DYNC2H1: variants seen among roughly 807,000 people sequenced by gnomAD.
DYNC2H1 encodes dynein cytoplasmic 2 heavy chain 1.
A neutral mutation model predicts 570.0 loss-of-function variants in DYNC2H1; 410 were observed. The ratio of observed to expected loss-of-function variants is 0.72; its 90% CI spans 0.66 to 0.78. The LOEUF is 0.78. Among genes scored for constraint, DYNC2H1 ranks in the 30% least tolerant of loss-of-function variants. The probability of loss-of-function intolerance (pLI) is 0.00; values close to 1 mark genes in which losing one functional copy is unlikely to be tolerated. For missense variants in DYNC2H1, 4,865 were observed against 5,046.4 expected (o/e 0.96, Z 1.09); for synonymous variants, 1,688 against 1,677.6 (o/e 1.01, Z -0.15).
intron 65 of DYNC2H1, among the ~76,000 whole-genome samples, chr11:103,246,428 G>C (rs927287758): frequency 6.6e-6 from 1 of 151,980 alleles, no homozygotes; most frequent in Admixed American, 6.6e-5. Flanking sequence ...TTAGTGTTAG[G>C]TTTTAATGGT....
intron 65 of DYNC2H1, among the ~76,000 whole-genome samples, chr11:103,251,096 T>G (rs1401658790): frequency 6.6e-6 from 1 of 152,098 alleles, no homozygotes; most frequent in Non-Finnish European, 1.5e-5. Flanking sequence ...TTTATTTTTT[T>G]TCTTTGCTTT....
Position 103,287,516 on chromosome 11 carries a change from C to T in DYNC2H1, c.11023-17C>T, listed in dbSNP as rs1030639156. 3.8e-6 allele frequency: 6 copies of T among 1,586,142 alleles called. No individual in the cohort carries two copies. The highest frequency in any genetic ancestry group is 5.1e-6 in the Non-Finnish European group (6 of 1,166,078). On this transcript the variant is annotated splice_polypyrimidine_tract_variant and intron_variant, in intron 74 of 88. Coordinates refer to ENST00000375735, the MANE Select transcript of DYNC2H1 (RefSeq NM_001377.3). The stretch of plus-strand genomic sequence containing the variant: ...AGCAACTTTATTCTTTAAAAATATT[C>T]TGCATTTTATTTTAAGATTCTTGTA...
In DYNC2H1 at chr11:103,439,107, A is replaced by T. The variant is rs1485073724; in HGVS notation, c.12456+3075A>T. On this transcript the variant is annotated intron_variant, in intron 85 of 88. Transcript: ENST00000375735. This position sits in a 1 kb window ranked among gnomAD's most constrained non-coding sequence, Gnocchi z 4.1. ...TCTCCAGGAACTATCCTTACAACTT[A>T]TCAGAAAGATAGAACTGAATAAACA... Among the ~76,000 whole-genome samples the T allele has an allele frequency of 3.3e-5, 5 of 152,172 alleles. No homozygotes were observed. Among genetic ancestry groups the T allele is most frequent in the Non-Finnish European group, 7.4e-5 (5 of 68,022 alleles).
Position 103,163,728 on chromosome 11 carries a change from T to C in DYNC2H1, c.4611+581T>C, listed in dbSNP as rs568286050. Among the ~76,000 whole-genome samples, 1 of 152,272 alleles carries C rather than the reference T, an allele frequency of 6.6e-6. No individual in the cohort carries two copies. Among genetic ancestry groups the C allele is most frequent in the East Asian group, 1.9e-4 (1 of 5,184 alleles). On this transcript the variant is annotated intron_variant, in intron 30 of 88. Transcript: ENST00000375735. The surrounding 1 kb of genome is among the most constrained non-coding windows in gnomAD (Gnocchi z 4.6). ...CTTGTGTTAAACATCCTGCGTTGTT[T>C]AATAGTTGGGCCAGACTGTTACAGG...
chr11:103,116,671 T>A lies in DYNC2H1; in HGVS notation c.723T>A (p.Asp241Glu). ...ATGTGTGGAGACAAACAGAACATGA[T>A]CATTATCCTGAGTCACGAATGTTGC... ...VDDVWRQTEH[D>E]HYPESRMLHL... Residue 241 changes from aspartate (D) to glutamate (E), a missense_variant, in exon 5 of 89, where the codon GAT becomes GAA. This residue lies in a region of DYNC2H1 where 1,936 missense variants were observed against 1,962.1 expected (regional missense o/e 0.99). Transcript: ENST00000375735. 1 of 1,607,132 alleles carries A rather than the reference T, an allele frequency of 6.2e-7. No homozygotes were observed.
At chr11:103,232,379 T>C (rs1234983664) in intron 60 of DYNC2H1, among the ~76,000 whole-genome samples, 2 of 152,006 alleles carry the variant, frequency 1.3e-5, no homozygotes, top group Non-Finnish European at 2.9e-5. Flanking sequence ...TGTTAGATAC[T>C]AGATTTGTCT....
At chr11:103,402,740 C>G (rs548397022) in intron 84 of DYNC2H1, 424 of 152,186 alleles carry the variant, frequency 2.8e-3, no homozygotes, top group Admixed American at 0.011. Flanking sequence ...AGTGTGGCTC[C>G]TCTGATTAAG....
At chr11:103,282,250 C>G (rs886302071) in intron 72 of DYNC2H1, 21 bp downstream of exon 72, 1 of 1,603,028 alleles carries the variant, frequency 6.2e-7, no homozygotes, top group Non-Finnish European at 8.5e-7. Context: ...ATAACAAAAT[C>G]TATTTTGCTC....
In DYNC2H1 at chr11:103,230,082, C is replaced by T. The variant is rs549368934; in HGVS notation, c.9354-1178C>T. Among the ~76,000 whole-genome samples, 6 of 152,202 alleles carry T rather than the reference C, an allele frequency of 3.9e-5. No individual in the cohort carries two copies. The South Asian group carries it at 6.2e-4, about 16-fold the overall frequency. On this transcript the variant is annotated intron_variant, in intron 59 of 88. Transcript: ENST00000375735. ...TAAGCCCTCGCAATCTCTGTTTTGA[C>T]AGGTAATTTTGGTGTACACTGAAGT...
intron 39 of DYNC2H1, among the ~76,000 whole-genome samples, chr11:103,180,173 A>T (rs545826050): frequency 6.6e-6 from 1 of 151,738 alleles, no homozygotes; most frequent in Non-Finnish European, 1.5e-5. Context: ...ACAATTTATC[A>T]TATTTATTAA....
At chr11:103,469,996 A>G in intron 88 of DYNC2H1, among the ~76,000 whole-genome samples, 1 of 152,140 alleles carries the variant, frequency 6.6e-6, no homozygotes, top group East Asian at 1.9e-4. Context: ...TAAAATCCAT[A>G]TAATGATCAT....
chr11:103,355,699 G>GT (rs1940302725), intron 82 of DYNC2H1, among the ~76,000 whole-genome samples: 1 of 152,070 alleles, frequency 6.6e-6, no homozygotes, highest in South Asian at 2.1e-4. Context: ...CATTTTAAAA[G>GT]TTTGTTTTCT....
intron 43 of DYNC2H1, 34 bp from the exon 44 acceptor site, chr11:103,188,463 A>G: frequency 6.8e-7 from 1 of 1,468,630 alleles, no homozygotes; most frequent in Non-Finnish European, 9.2e-7. Context: ...AATCTTAGAT[A>G]AAAAACGTTT....
At chr11:103,332,691 A>G (rs1337901186) in intron 82 of DYNC2H1, among the ~76,000 whole-genome samples, 1 of 152,106 alleles carries the variant, frequency 6.6e-6, no homozygotes, top group Non-Finnish European at 1.5e-5. Flanking sequence ...TCAGCAAAAT[A>G]TCTTTCAAAA....
Position 103,303,076 on chromosome 11 carries a change from T to G in DYNC2H1, c.11096-17T>G. 7.0e-7 allele frequency: 1 copy of G among 1,423,720 alleles called. No individual in the cohort carries two copies. Among genetic ancestry groups the G allele is most frequent in the East Asian group, 2.6e-5 (1 of 39,032 alleles). 88.2% of individuals were successfully genotyped at this position (1,423,720 alleles called of 1,614,324 possible). On this transcript the variant is annotated splice_polypyrimidine_tract_variant and intron_variant, in intron 75 of 88. Coordinates refer to ENST00000375735, the MANE Select transcript of DYNC2H1 (RefSeq NM_001377.3). ...GCATACTGCTTTTATTTTTAATTTT[T>G]AAAATATATATTTTAGGACTGAAAG...
At chr11:103,294,999 A>T (rs1224018194) in intron 75 of DYNC2H1, among the ~76,000 whole-genome samples, 2 of 151,900 alleles carry the variant, frequency 1.3e-5, no homozygotes, top group East Asian at 3.9e-4. Flanking sequence ...CATTGCCTGG[A>T]GTTGAGGGAG....
At chr11:103,218,286 CG>C in intron 55 of DYNC2H1, among the ~76,000 whole-genome samples, 1 of 152,158 alleles carries the variant, frequency 6.6e-6, no homozygotes, top group East Asian at 1.9e-4. Context: ...CAGCCAGACA[CG>C]AAAGACTGTA....
intron 85 of DYNC2H1, among the ~76,000 whole-genome samples, chr11:103,441,570 CA>C (rs1944269610): frequency 6.6e-6 from 1 of 152,004 alleles, no homozygotes; most frequent in South Asian, 2.1e-4. Context: ...ATAGGCTTTT[CA>C]GTAAATATTT....
chr11:103,375,920 G>A (rs565956332), intron 83 of DYNC2H1, among the ~76,000 whole-genome samples: 12 of 152,130 alleles, frequency 7.9e-5, no homozygotes, highest in South Asian at 6.2e-4. Context: ...TGGAGGGGCC[G>A]GGGACAGAAT....
Sources: allele counts gnomAD v4.1 joint callset (sites outside exome capture counted in the v4.1 genomes callset), GRCh38; gene constraint gnomAD v4.1.1; regional missense constraint gnomAD v4.1.1; non-coding constraint Gnocchi (gnomAD v3.1); transcripts MANE v1.5; gene names NCBI Gene and HGNC (gene_info 2026-07-23, HGNC 2026-07-21).